RAB22A: variants seen among roughly 807,000 people sequenced by gnomAD.
RAB22A encodes the protein RAB22A, member RAS oncogene family.
In RAB22A, 13 loss-of-function variants were observed where a neutral mutation model predicts 30.2. That is an observed-to-expected ratio of 0.43 (90% CI 0.28 to 0.68). The LOEUF (loss-of-function observed/expected upper bound fraction) is 0.68. RAB22A is among the 30% of genes least tolerant of loss of function. The pLI is 0.18. For missense variants in RAB22A, 177 were observed against 246.8 expected (o/e 0.72, Z 1.89); for synonymous variants, 89 against 87.2 (o/e 1.02, Z -0.11).
At position 58,326,279 on chromosome 20, in the gene RAB22A, C is replaced by G. The variant is rs576805341; in HGVS notation, c.116+15157C>G. On this transcript the variant is annotated intron_variant, in intron 2 of 6. Coordinates refer to ENST00000244040, the MANE Select transcript of RAB22A (RefSeq NM_020673.3). ...CAAAATGCAGAAATTTGCATCACCT[C>G]AGAAAGTTCCCTCTGTGAATCATAC... 2.0e-5 allele frequency among the ~76,000 whole-genome samples: 3 copies of G among 152,212 alleles called. No homozygotes were observed. In the East Asian group the frequency reaches 5.8e-4, roughly 29 times the overall value.
rs570314730 is a variant in RAB22A, at chr20:58,353,034, C to T, written c.199-239C>T. On this transcript the variant is annotated intron_variant, in intron 3 of 6. Transcript: ENST00000244040. ...TTTTAGCTGAAACAATTGTTTATAG[C>T]GCCATATTTAATTCCTATAAAACTG... 1.8e-4 allele frequency among the ~76,000 whole-genome samples: 28 copies of T among 152,270 alleles called. 2 individuals are homozygous for T. In the South Asian group the frequency reaches 5.0e-3, roughly 27 times the overall value.
Position 58,359,608 on chromosome 20 carries a change from C to G in RAB22A, c.490C>G (p.Arg164Gly), listed in dbSNP as rs766812693. ...NINELFIEIS[R>G]RIPSTDANLP... Reference sequence around the variant, plus strand: ...TCCCTTTTCTCATCTTGGTTTAGGTCGAAGAATTCCATCCACTGACGCCAA... The same window carrying G: ...TCCCTTTTCTCATCTTGGTTTAGGTGGAAGAATTCCATCCACTGACGCCAA... Residue 164 changes from arginine (R) to glycine (G), a missense_variant and splice_region_variant, in exon 7 of 7, where the codon CGA (arginine) becomes GGA (glycine). Physicochemically the swap from Arg to Gly is moderately radical, Grantham distance 125 (BLOSUM62 -2). Transcript: ENST00000244040. 1.2e-6 allele frequency: 2 copies of G among 1,601,148 alleles called. No homozygotes were observed. Among genetic ancestry groups the G allele is most frequent in the Non-Finnish European group, 1.7e-6 (2 of 1,170,718 alleles).
chr20:58,318,877 T>C (rs1339566404), intron 2 of RAB22A, among the ~76,000 whole-genome samples: 1 of 152,208 alleles, frequency 6.6e-6, no homozygotes, highest in Non-Finnish European at 1.5e-5. Flanking sequence ...TATTTAACTT[T>C]TTTGTGCCTA....
chr20:58,333,303 A>AAATAAATAAATG (rs1317369268), intron 2 of RAB22A, among the ~76,000 whole-genome samples: 8 of 151,260 alleles, frequency 5.3e-5, no homozygotes, highest in African/African-American at 2.0e-4. Flanking sequence ...ATAAATAAAT[A>AAATAAATAAATG]AATAAATCCC....
At chr20:58,358,419 G>A (rs778758476) in intron 6 of RAB22A, among the ~76,000 whole-genome samples, 7 of 152,186 alleles carry the variant, frequency 4.6e-5, no homozygotes, top group South Asian at 4.1e-4. Flanking sequence ...GTAGAATACC[G>A]TGACCTAGCT....
chr20:58,350,314 A>G (rs1216790373), intron 3 of RAB22A, among the ~76,000 whole-genome samples: 1 of 152,256 alleles, frequency 6.6e-6, no homozygotes, highest in Non-Finnish European at 1.5e-5. Context: ...GACAAATTCA[A>G]ACAGTCTAAC....
chr20:58,356,608 G>A (rs1270688755), intron 6 of RAB22A, among the ~76,000 whole-genome samples: 3 of 152,162 alleles, frequency 2.0e-5, no homozygotes, highest in Non-Finnish European at 2.9e-5. Flanking sequence ...TCCGGTGCTT[G>A]GCACTCTGGT....
At chr20:58,324,879 A>C (rs1264810526) in intron 2 of RAB22A, among the ~76,000 whole-genome samples, 1 of 137,870 alleles carries the variant, frequency 7.3e-6, no homozygotes, top group Non-Finnish European at 1.6e-5. Flanking sequence ...AAAAAAAAAA[A>C]AAAAAAAAAC....
At chr20:58,333,087 C>T (rs1653123900) in intron 2 of RAB22A, among the ~76,000 whole-genome samples, 3 of 151,850 alleles carry the variant, frequency 2.0e-5, no homozygotes, top group South Asian at 4.2e-4. Context: ...AAGACCCAGC[C>T]TGGCCAATAT....
chr20:58,337,706 CA>C lies in RAB22A; in HGVS notation c.117-6009del, dbSNP rs1401959625. Among the ~76,000 whole-genome samples, 3 of 152,282 alleles carry C rather than the reference CA, an allele frequency of 2.0e-5. No individual in the cohort carries two copies. In the East Asian group the frequency reaches 5.8e-4, roughly 29 times the overall value. ...GAAGGAGTGAACAGATTGCCCAGTA[CA>C]AATAGCACTGTAGTTCAGAGCACAG... On this transcript the variant is annotated intron_variant, in intron 2 of 6. Coordinates refer to ENST00000244040, the MANE Select transcript of RAB22A (RefSeq NM_020673.3).
chr20:58,339,912 GGCTAGCCCAGA>G (rs1215072493), intron 2 of RAB22A, among the ~76,000 whole-genome samples: 1 of 152,162 alleles, frequency 6.6e-6, no homozygotes, highest in East Asian at 1.9e-4. Flanking sequence ...TTCTGCCTGG[GGCTAGCCCAGA>G]GCTCGGGAGG....
chr20:58,310,055 G>C, intron 1 of RAB22A, 43 bp downstream of exon 1: 1 of 1,257,794 alleles, frequency 8.0e-7, no homozygotes, highest in Non-Finnish European at 1.0e-6. Flanking sequence ...CGGGAGGCTG[G>C]GCTGGCGGGG....
intron 2 of RAB22A, among the ~76,000 whole-genome samples, chr20:58,331,487 T>C (rs1483857901): frequency 2.6e-5 from 4 of 152,252 alleles, no homozygotes; most frequent in African/African-American, 9.6e-5. Context: ...TTCATAATTA[T>C]ATACATTTAT....
intron 2 of RAB22A, among the ~76,000 whole-genome samples, chr20:58,337,036 A>G (rs747666706): frequency 1.3e-4 from 20 of 152,158 alleles, no homozygotes; most frequent in Admixed American, 3.3e-4. Flanking sequence ...GCTCAGCCCC[A>G]TACTTCACCT....
intron 2 of RAB22A, among the ~76,000 whole-genome samples, chr20:58,329,247 G>A (rs1986622975): frequency 1.3e-5 from 2 of 152,038 alleles, no homozygotes; most frequent in Admixed American, 1.3e-4. Flanking sequence ...TAGAGACGGG[G>A]TTTCACCATG....
At chr20:58,343,636 T>G in intron 2 of RAB22A, 82 bp from the exon 3 acceptor site, 16 of 1,055,982 alleles carry the variant, frequency 1.5e-5, no homozygotes, top group Non-Finnish European at 2.2e-5. Flanking sequence ...GAGCGTTGGT[T>G]GAGTCTAAGT....
At chr20:58,332,118 TA>T (rs1296730648) in intron 2 of RAB22A, among the ~76,000 whole-genome samples, 1 of 152,140 alleles carries the variant, frequency 6.6e-6, no homozygotes, top group African/African-American at 2.4e-5. Context: ...TTCCAACTCA[TA>T]AAAAGTCACA....
chr20:58,359,839 A>G lies in RAB22A; in HGVS notation c.*136A>G. Reference sequence around the variant, plus strand: ...GTGCAAAAAGGATTCACAGAAATGGACCAGTTCTGTTCTCCAAAGACTGCA... The same window carrying G: ...GTGCAAAAAGGATTCACAGAAATGGGCCAGTTCTGTTCTCCAAAGACTGCA... On this transcript the variant is annotated 3_prime_UTR_variant, in exon 7 of 7. Transcript: ENST00000244040. 1.5e-6 allele frequency: 1 copy of G among 657,518 alleles called. No homozygotes were observed. The highest frequency in any genetic ancestry group is 2.5e-6 in the Non-Finnish European group (1 of 396,488). The allele number at this position is 657,518 out of a possible 1,614,324, so 40.7% of individuals were successfully genotyped here. A position where few individuals can be genotyped will look rare whatever the true frequency, so the allele number is the denominator to read the frequency against.
At position 58,326,757 on chromosome 20, in the gene RAB22A, A is replaced by G. The variant is rs1305925253; in HGVS notation, c.116+15635A>G. ...TTGTAGACTCCTTAGTATTATTTAC[A>G]TACACAATCATGTTGTATGAAAATA... On this transcript the variant is annotated intron_variant, in intron 2 of 6. Coordinates refer to ENST00000244040, the MANE Select transcript of RAB22A (RefSeq NM_020673.3). 5.3e-5 allele frequency among the ~76,000 whole-genome samples: 8 copies of G among 152,172 alleles called. 1 individual carries two copies. Among genetic ancestry groups the G allele is most frequent in the Non-Finnish European group, 1.0e-4 (7 of 68,040 alleles).
Sources: allele counts gnomAD v4.1 joint callset (sites outside exome capture counted in the v4.1 genomes callset), GRCh38; gene constraint gnomAD v4.1.1; transcripts MANE v1.5; gene names NCBI Gene and HGNC (gene_info 2026-07-23, HGNC 2026-07-21).